The following MBD5 variants were observed in gnomAD, a reference collection of about 807,000 sequenced individuals.
MBD5 encodes methyl-CpG binding domain protein 5.
MBD5 carries 13 observed loss-of-function variants against 117.3 expected under a neutral mutation model. The observed-to-expected ratio is 0.11, with a 90% CI of 0.07 to 0.18. The LOEUF (loss-of-function observed/expected upper bound fraction) is 0.18. Among genes scored for constraint, MBD5 ranks in the 10% least tolerant of loss-of-function variants. The pLI, the probability that MBD5 is intolerant of heterozygous loss-of-function variation, is 1.00. For synonymous variants in MBD5, 727 were observed against 766.4 expected, an observed-to-expected ratio of 0.95 and a Z score of 0.85; for missense variants, 1,879 against 2,093.8, an observed-to-expected ratio of 0.90 and a Z score of 2.00.
chr2:148,262,733 T>G (rs190035522), intron 3 of MBD5, among the ~76,000 whole-genome samples: 139 of 152,312 alleles, frequency 9.1e-4, no homozygotes, highest in African/African-American at 3.3e-3. Flanking sequence ...TGGCATACAC[T>G]GTCTCTTCCT....
At chr2:148,206,142 G>T (rs889973378) in intron 2 of MBD5, among the ~76,000 whole-genome samples, 8 of 148,890 alleles carry the variant, frequency 5.4e-5, no homozygotes, top group African/African-American at 9.8e-5. Context: ...AAAAAATAGA[G>T]AGACACACAC....
chr2:148,231,442 C>T (rs1281653828), intron 2 of MBD5, among the ~76,000 whole-genome samples: 1 of 152,116 alleles, frequency 6.6e-6, no homozygotes, highest in Non-Finnish European at 1.5e-5. Flanking sequence ...GTGGCATCAG[C>T]TATTTAAGAC....
At chr2:148,076,615 G>A (rs528070143) in intron 1 of MBD5, among the ~76,000 whole-genome samples, 1 of 152,286 alleles carries the variant, frequency 6.6e-6, no homozygotes, top group East Asian at 1.9e-4. Context: ...TCTTCTAGGT[G>A]CCAGTGAGAG....
intron 4 of MBD5, among the ~76,000 whole-genome samples, chr2:148,432,349 G>A (rs1706016274): frequency 6.6e-6 from 1 of 152,090 alleles, no homozygotes; most frequent in Non-Finnish European, 1.5e-5. Flanking sequence ...TACTTTTGCT[G>A]TGCAGAAGCT....
At chr2:148,125,264 G>A (rs1356677449) in intron 1 of MBD5, among the ~76,000 whole-genome samples, 2 of 151,630 alleles carry the variant, frequency 1.3e-5, no homozygotes, top group African/African-American at 4.8e-5. Flanking sequence ...GGATTTTTCT[G>A]TTTATTATGG....
At chr2:148,499,517 TAA>T (rs1438965647) in intron 11 of MBD5, among the ~76,000 whole-genome samples, 3 of 152,174 alleles carry the variant, frequency 2.0e-5, no homozygotes, top group African/African-American at 7.2e-5. Context: ...AAATTCTCAC[TAA>T]GATAGAGTTA....
chr2:148,325,500 C>A (rs929304086), intron 3 of MBD5, among the ~76,000 whole-genome samples: 4 of 152,176 alleles, frequency 2.6e-5, no homozygotes, highest in Non-Finnish European at 5.9e-5. Context: ...TTGATTATTG[C>A]CACAATATCA....
intron 4 of MBD5, among the ~76,000 whole-genome samples, chr2:148,445,325 C>T (rs567303320): frequency 6.6e-6 from 1 of 150,816 alleles, no homozygotes; most frequent in South Asian, 2.1e-4. Context: ...TGTGATGTTC[C>T]CCTTGCTGTG....
chr2:148,042,287 G>A (rs1026018163), intron 1 of MBD5, among the ~76,000 whole-genome samples: 4 of 152,026 alleles, frequency 2.6e-5, no homozygotes, highest in African/African-American at 9.7e-5. Context: ...GGCAATTTTT[G>A]CTACCACTTA....
chr2:148,197,835 C>CAA (rs1699036522), intron 2 of MBD5, among the ~76,000 whole-genome samples: 1 of 72,100 alleles, frequency 1.4e-5, no homozygotes, highest in African/African-American at 4.9e-5. Flanking sequence ...TTTTTTGAGA[C>CAA]AAAGTTTTGC....
At chr2:148,193,134 T>C (rs1352438805) in intron 2 of MBD5, among the ~76,000 whole-genome samples, 3 of 85,680 alleles carry the variant, frequency 3.5e-5, no homozygotes, top group African/African-American at 1.2e-4. Context: ...GGAAGAACAT[T>C]CCATGCTCAT....
intron 1 of MBD5, among the ~76,000 whole-genome samples, chr2:148,138,491 A>G (rs1697226593): frequency 6.6e-6 from 1 of 152,224 alleles, no homozygotes; most frequent in South Asian, 2.1e-4. Context: ...TTTAGAATGT[A>G]GCAGGTACCA....
chr2:148,036,604 C>A (rs761421578), intron 1 of MBD5, among the ~76,000 whole-genome samples: 12 of 152,032 alleles, frequency 7.9e-5, no homozygotes, highest in Non-Finnish European at 1.6e-4. Context: ...CTGGCTTTTT[C>A]TCCATCTTTG....
intron 4 of MBD5, among the ~76,000 whole-genome samples, chr2:148,407,131 T>C (rs1705103573): frequency 6.6e-6 from 1 of 152,168 alleles, no homozygotes; most frequent in African/African-American, 2.4e-5. Flanking sequence ...ATCCTCATCA[T>C]CCAAATACTA....
chr2:148,325,173 C>A (rs1267196185), intron 3 of MBD5, among the ~76,000 whole-genome samples: 1 of 152,136 alleles, frequency 6.6e-6, no homozygotes, highest in Non-Finnish European at 1.5e-5. Context: ...CCTTGCATCC[C>A]AGGGATGAAG....
At chr2:148,043,296 T>A (rs979199087) in intron 1 of MBD5, among the ~76,000 whole-genome samples, 1 of 150,216 alleles carries the variant, frequency 6.7e-6, no homozygotes, top group South Asian at 2.1e-4. Context: ...AATAAATAAA[T>A]AAATAAATTA....
intron 8 of MBD5, among the ~76,000 whole-genome samples, chr2:148,473,050 A>G (rs2105668737): frequency 6.6e-6 from 1 of 152,288 alleles, no homozygotes; most frequent in South Asian, 2.1e-4. Context: ...TAGTGCTCAA[A>G]AGTATTGTGT....
Position 148,513,023 on chromosome 2 carries a change from A to G in MBD5, c.*82A>G. ...TGTATATAGGTATTGATATAGCCAC[A>G]GTTATATCAATATTTAGACTATGGC... is the stretch of plus-strand genomic sequence containing the variant. On this transcript the variant is annotated 3_prime_UTR_variant, in exon 14 of 14. Transcript: ENST00000642680. 1 of 1,257,986 alleles carries G rather than the reference A, an allele frequency of 7.9e-7. No homozygotes were observed. The highest frequency in any genetic ancestry group is 1.2e-6 in the Non-Finnish European group (1 of 859,482). 77.9% of individuals were successfully genotyped at this position (1,257,986 alleles called of 1,614,324 possible).
intron 1 of MBD5, among the ~76,000 whole-genome samples, chr2:148,146,070 G>C (rs1697453258): frequency 6.6e-6 from 1 of 152,094 alleles, no homozygotes; most frequent in Non-Finnish European, 1.5e-5. Context: ...TAAGTTAATT[G>C]TATATTGATA....
Sources: gnomAD v4.1 joint callset for allele counts (sites outside exome capture counted in the v4.1 genomes callset) on GRCh38, gnomAD v4.1.1 for gene constraint, MANE v1.5 for transcripts, NCBI Gene and HGNC (gene_info 2026-07-23, HGNC 2026-07-21) for gene names.